CHD6: variants seen among roughly 807,000 people sequenced by gnomAD.
CHD6 encodes ATP-dependent chromatin remodeler CHD6.
CHD6 carries 50 observed loss-of-function variants against 276.9 expected under a neutral mutation model. The ratio of observed to expected loss-of-function variants is 0.18; its 90% CI spans 0.14 to 0.23. The LOEUF (loss-of-function observed/expected upper bound fraction) is 0.23, where lower values mean the gene tolerates loss of function less well. Among genes scored for constraint, CHD6 ranks in the 10% least tolerant of loss-of-function variants. The probability of loss-of-function intolerance (pLI) is 1.00; values close to 1 mark genes in which losing one functional copy is unlikely to be tolerated. For synonymous variants in CHD6, 1,173 were observed against 1,229.3 expected, an observed-to-expected ratio of 0.95 and a Z score of 0.96; for missense variants, 2,564 against 3,365.8, an observed-to-expected ratio of 0.76 and a Z score of 5.89.
intron 20 of CHD6, 58 bp downstream of exon 20, chr20:41,454,568 T>C (rs1396281597): frequency 1.8e-5 from 24 of 1,322,424 alleles, no homozygotes; most frequent in Middle Eastern, 3.7e-4. Flanking sequence ...TGTAGGAATT[T>C]ATTGTCATGT....
At chr20:41,580,147 A>G (rs1339423117) in intron 1 of CHD6, among the ~76,000 whole-genome samples, 2 of 152,212 alleles carry the variant, frequency 1.3e-5, no homozygotes, top group East Asian at 3.9e-4. Context: ...CACTGTTCGA[A>G]TGCTATAAAC....
chr20:41,565,667 T>TACAATAATTAGATC (rs2045347658), intron 1 of CHD6, among the ~76,000 whole-genome samples: 1 of 90,848 alleles, frequency 1.1e-5, no homozygotes, highest in African/African-American at 7.3e-5. Flanking sequence ...ATAATTAGAT[T>TACAATAATTAGATC]TCCTGGATTC....
chr20:41,593,204 G>C (rs969803138), intron 1 of CHD6, among the ~76,000 whole-genome samples: 8 of 69,466 alleles, frequency 1.2e-4, no homozygotes, highest in Admixed American at 8.9e-4. Flanking sequence ...AATCAAAAAG[G>C]GGGGGGGGGG....
intron 36 of CHD6, among the ~76,000 whole-genome samples, chr20:41,408,696 AGT>A (rs747276145): frequency 9.2e-5 from 14 of 152,098 alleles, no homozygotes; most frequent in Non-Finnish European, 1.8e-4. Context: ...GATACTGGGG[AGT>A]GTCTTTCCTT....
In CHD6 at chr20:41,452,684, A is replaced by AAAACAGAGGGG; in HGVS notation, c.3323+45_3323+55dup. The stretch of plus-strand genomic sequence containing the variant: ...ATCCTAGACAAATCTCAGGGACTGA[A>AAAACAGAGGGG]AAACAGAGGGGAACAAACAACAATA... On this transcript the variant is annotated intron_variant, in intron 21 of 36. Coordinates refer to ENST00000373233, the MANE Select transcript of CHD6 (RefSeq NM_032221.5). This position sits in a 1 kb window ranked among gnomAD's most constrained non-coding sequence, Gnocchi z 4.2. The AAAACAGAGGGG allele has an allele frequency of 2.6e-6, 4 of 1,516,112 alleles. No individual in the cohort carries two copies. In the Admixed American group the frequency reaches 7.0e-5, roughly 27 times the overall value. The allele number at this position is 1,516,112 out of a possible 1,614,324, so 93.9% of individuals were successfully genotyped here.
intron 3 of CHD6, among the ~76,000 whole-genome samples, chr20:41,523,500 CA>C (rs1483185775): frequency 1.3e-5 from 2 of 152,266 alleles, no homozygotes; most frequent in South Asian, 4.1e-4. Flanking sequence ...AAGAAACTCC[CA>C]ATCAGTTATA....
chr20:41,488,752 A>C, intron 12 of CHD6, 148 bp from the exon 13 acceptor site: 1 of 679,842 alleles, frequency 1.5e-6, no homozygotes, highest in South Asian at 2.2e-5. Context: ...AAAAGAGAAT[A>C]TAAGAATTAA....
At chr20:41,406,583 G>A (rs1484098894) in intron 36 of CHD6, among the ~76,000 whole-genome samples, 5 of 152,216 alleles carry the variant, frequency 3.3e-5, no homozygotes, top group Admixed American at 3.3e-4. Context: ...GATGCAGCCA[G>A]GAACCTGGTC....
Position 41,512,971 on chromosome 20 carries a change from T to C in CHD6, c.727A>G (p.Lys243Glu), listed in dbSNP as rs1430732392. Residue 243 changes from lysine to glutamate, a missense_variant, in exon 5 of 37, where the codon AAG (lysine) becomes GAG (glutamate). Physicochemically the swap from Lys to Glu is moderately conservative, Grantham distance 56 (BLOSUM62 1). This residue lies in a region of CHD6 where 286 missense variants were observed against 297.8 expected (regional missense o/e 0.96). Coordinates refer to ENST00000373233, the MANE Select transcript of CHD6 (RefSeq NM_032221.5). ...AGGTCCTCATTGTATTTTCTGCGCT[T>C]TACTTGCCTTCCCGAGCGTCGTTTC... The part of the protein sequence containing the change: ...SQKRRSGRQV[K>E]RRKYNEDLDF... The C allele has an allele frequency of 6.2e-7, 1 of 1,614,038 alleles. No homozygotes were observed. Among genetic ancestry groups the C allele is most frequent in the Admixed American group, 1.7e-5 (1 of 60,018 alleles).
At chr20:41,617,595 A>C (rs564890713) in intron 1 of CHD6, among the ~76,000 whole-genome samples, 1 of 152,358 alleles carries the variant, frequency 6.6e-6, no homozygotes, top group African/African-American at 2.4e-5. Context: ...AGCGAGGAAA[A>C]TAAATACCTT....
At chr20:41,412,006 C>T in intron 36 of CHD6, 138 bp downstream of exon 36, 1 of 1,244,606 alleles carries the variant, frequency 8.0e-7, no homozygotes, top group Non-Finnish European at 1.1e-6. Context: ...AATCAACTTC[C>T]TGTGCTGGCT....
At chr20:41,417,070 A>T in intron 32 of CHD6, 128 bp downstream of exon 32, 1 of 875,284 alleles carries the variant, frequency 1.1e-6, no homozygotes, top group Non-Finnish European at 1.8e-6. Flanking sequence ...CTACATAACT[A>T]ATATCTTTTA....
At chr20:41,588,690 C>T (rs753997861) in intron 1 of CHD6, among the ~76,000 whole-genome samples, 15 of 152,068 alleles carry the variant, frequency 9.9e-5, no homozygotes, top group Non-Finnish European at 1.9e-4. Context: ...ATCTTTGTAC[C>T]CTGCAAACTA....
intron 1 of CHD6, among the ~76,000 whole-genome samples, chr20:41,599,927 TG>T (rs1226609367): frequency 6.6e-6 from 1 of 152,120 alleles, no homozygotes; most frequent in Non-Finnish European, 1.5e-5. Context: ...CTCCAGCCAA[TG>T]GGGAAAGGAC....
intron 1 of CHD6, among the ~76,000 whole-genome samples, chr20:41,589,240 G>A (rs2045630078): frequency 6.6e-6 from 1 of 152,168 alleles, no homozygotes; most frequent in Non-Finnish European, 1.5e-5. Flanking sequence ...AGCTATTTAT[G>A]ACAAACCCAC....
Position 41,461,928 on chromosome 20 carries a change from GTCTT to G in CHD6, c.2665-4504_2665-4501del, listed in dbSNP as rs2048562564. ...GGCCACCAGGAAGACCAGAGCAAAGGTCTTCATAGCATGGGAAAAACTAACTTTT... is the reference window on the plus strand; with the variant it reads ...GGCCACCAGGAAGACCAGAGCAAAGGCATAGCATGGGAAAAACTAACTTTT... On this transcript the variant is annotated intron_variant, in intron 17 of 36. Coordinates refer to ENST00000373233, the MANE Select transcript of CHD6 (RefSeq NM_032221.5). The G allele has an allele frequency of 2.6e-5, 4 of 152,314 alleles. No individual in the cohort carries two copies. The South Asian group carries it at 8.3e-4, about 32-fold the overall frequency. The allele number at this position is 152,314 out of a possible 1,614,324, so 9.4% of individuals were successfully genotyped here.
chr20:41,499,247 A>G lies in CHD6; in HGVS notation c.915+48T>C, dbSNP rs2043771944. 2.1e-6 allele frequency: 3 copies of G among 1,429,086 alleles called. No homozygotes were observed. In the African/African-American group the frequency reaches 4.3e-5, roughly 21 times the overall value. The allele number at this position is 1,429,086 out of a possible 1,614,324, so 88.5% of individuals were successfully genotyped here. ...CTAGCCAAAAATCTCTTCACAGAAG[A>G]TGTAATCTGTGCTAATGATATAAAA... On this transcript the variant is annotated intron_variant, in intron 6 of 36. Coordinates refer to ENST00000373233, the MANE Select transcript of CHD6 (RefSeq NM_032221.5).
chr20:41,473,906 C>T lies in CHD6; in HGVS notation c.2469-389G>A, dbSNP rs2043114565. Among the ~76,000 whole-genome samples the T allele has an allele frequency of 6.6e-6, 1 of 152,190 alleles. No individual in the cohort carries two copies. Among genetic ancestry groups the T allele is most frequent in the African/African-American group, 2.4e-5 (1 of 41,456 alleles). ...CCAGGAAAAACAAACAAAAGCCTTT[C>T]CCATCTACTTTGAGTAGTGCTCACA... On this transcript the variant is annotated intron_variant, in intron 16 of 36. Transcript: ENST00000373233. This position sits in a 1 kb window ranked among gnomAD's most constrained non-coding sequence, Gnocchi z 4.1.
intron 16 of CHD6, among the ~76,000 whole-genome samples, chr20:41,481,307 T>C (rs2043290256): frequency 6.6e-6 from 1 of 151,796 alleles, no homozygotes; most frequent in Non-Finnish European, 1.5e-5. Flanking sequence ...TGAAAACCCA[T>C]ACTCATAAAT....
Sources: allele counts gnomAD v4.1 joint callset (sites outside exome capture counted in the v4.1 genomes callset), GRCh38; gene constraint gnomAD v4.1.1; regional missense constraint gnomAD v4.1.1; non-coding constraint Gnocchi (gnomAD v3.1); transcripts MANE v1.5; gene names NCBI Gene and HGNC (gene_info 2026-07-23, HGNC 2026-07-21).